Variants in XPA observed in about 807,000 individuals in gnomAD.
XPA encodes the protein XPA, DNA damage recognition and repair factor, also known as DNA repair protein complementing XP-A cells.
XPA carries 27 observed loss-of-function variants against 35.7 expected under a neutral mutation model. The ratio of observed to expected loss-of-function variants is 0.76; its 90% CI spans 0.56 to 1.04. The LOEUF (loss-of-function observed/expected upper bound fraction) is 1.04. XPA is among the 50% of genes least tolerant of loss of function. XPA has a pLI of 0.00. For synonymous variants in XPA, 133 were observed against 118.4 expected (o/e 1.12, Z -0.80); for missense variants, 354 against 342.7 (o/e 1.03, Z -0.26).
chr9:97,660,124 G>A, the XPA span, among the ~76,000 whole-genome samples: 1 of 152,186 alleles, frequency 6.6e-6, no homozygotes, highest in Non-Finnish European at 1.5e-5. Flanking sequence ...GTAGACTGGT[G>A]ACAGGGGATT....
the XPA span, among the ~76,000 whole-genome samples, chr9:97,665,136 T>C: frequency 1.3e-5 from 2 of 152,240 alleles, no homozygotes; most frequent in African/African-American, 2.4e-5. Flanking sequence ...ACTTTTCCAC[T>C]GTATCTGTTA....
chr9:97,657,357 T>G, the XPA span, among the ~76,000 whole-genome samples: 1 of 152,210 alleles, frequency 6.6e-6, no homozygotes, highest in African/African-American at 2.4e-5. Context: ...CTTTTTTCTA[T>G]CTTTGTGTTT....
intron 5 of XPA, among the ~76,000 whole-genome samples, chr9:97,677,140 A>G (rs182323934): frequency 2.0e-5 from 3 of 152,250 alleles, no homozygotes; most frequent in African/African-American, 4.8e-5. Context: ...ATGCTAAACT[A>G]ACTTCTCTGC....
Position 97,683,353 on chromosome 9 carries a change from G to GA in XPA, c.673+1569dup, listed in dbSNP as rs3176704. Among the ~76,000 whole-genome samples, 562 of 152,282 alleles carry GA rather than the reference G, an allele frequency of 3.7e-3. 3 individuals are homozygous for GA. Among genetic ancestry groups the GA allele is most frequent in the African/African-American group, 0.013 (548 of 41,562 alleles). ...AAAGATTAAAGGGCCAAATTCATCA[G>GA]AACTCTTTCCAAATCCTCTCAATAC... On this transcript the variant is annotated intron_variant, in intron 5 of 5. Coordinates refer to ENST00000375128, the MANE Select transcript of XPA (RefSeq NM_000380.4).
chr9:97,674,981 C>T lies in XPA; in HGVS notation c.*458G>A, dbSNP rs764586489. 7 of 524,380 alleles carry T rather than the reference C, an allele frequency of 1.3e-5. No individual in the cohort carries two copies. The Middle Eastern group carries it at 3.2e-3, about 238-fold the overall frequency. The allele number at this position is 524,380 out of a possible 1,614,324, so 32.5% of individuals were successfully genotyped here. On this transcript the variant is annotated 3_prime_UTR_variant, in exon 6 of 6. Coordinates refer to ENST00000375128, the MANE Select transcript of XPA (RefSeq NM_000380.4). The stretch of plus-strand genomic sequence containing the variant: ...CAGCAGTAGTTCCCCACTGTTTCCA[C>T]CATCGTGGAGACAGAAATCGTCCTA...
the XPA span, chr9:97,658,785 G>A: frequency 7.1e-7 from 1 of 1,406,988 alleles, no homozygotes; most frequent in Non-Finnish European, 1.0e-6. Context: ...AAAGGTACCA[G>A]TTCAAGTATA....
the XPA span, chr9:97,669,901 T>C: frequency 7.8e-6 from 5 of 636,998 alleles, no homozygotes; most frequent in African/African-American, 3.6e-5. Flanking sequence ...AGATTCCTAA[T>C]TGCCACCCCC....
intron 5 of XPA, chr9:97,675,819 CAAG>C: frequency 1.7e-6 from 1 of 577,006 alleles, no homozygotes; most frequent in South Asian, 2.0e-5. Flanking sequence ...CAGTGTGAAA[CAAG>C]AGATTCAGAA....
intron 5 of XPA, among the ~76,000 whole-genome samples, chr9:97,681,995 T>C (rs2131388692): frequency 6.6e-6 from 1 of 152,308 alleles, no homozygotes; most frequent in African/African-American, 2.4e-5. Context: ...TTCTGCCTTG[T>C]ATCTAACAAG....
chr9:97,682,369 C>CTCTACAGTGTCT (rs1323468260), intron 5 of XPA: 1 of 518,926 alleles, frequency 1.9e-6, no homozygotes, highest in Non-Finnish European at 3.8e-6. Flanking sequence ...TGTGTCTAAT[C>CTCTACAGTGTCT]TCTACAGTGT....
intron 1 of XPA, among the ~76,000 whole-genome samples, chr9:97,694,410 C>G (rs1448188433): frequency 6.6e-6 from 1 of 152,174 alleles, no homozygotes; most frequent in Non-Finnish European, 1.5e-5. Context: ...TAATAAAATC[C>G]TCTAAGTCAG....
chr9:97,675,165 A>G lies in XPA; in HGVS notation c.*274T>C, dbSNP rs1393413677. The G allele has an allele frequency of 3.4e-6, 2 of 586,634 alleles. No homozygotes were observed. Among genetic ancestry groups the G allele is most frequent in the Admixed American group, 2.1e-5 (1 of 46,546 alleles). The allele number at this position is 586,634 out of a possible 1,614,324, so 36.3% of individuals were successfully genotyped here. On this transcript the variant is annotated 3_prime_UTR_variant, in exon 6 of 6. Coordinates refer to ENST00000375128, the MANE Select transcript of XPA (RefSeq NM_000380.4). ...TTGTCCTCAAATTTGTAGCTGACCT[A>G]CCACTTCTGCACCTACTCTAGCACT... is the stretch of plus-strand genomic sequence containing the variant.
chr9:97,684,651 G>A lies in XPA; in HGVS notation c.673+272C>T, dbSNP rs184578824. Among the ~76,000 whole-genome samples the A allele has an allele frequency of 7.9e-5, 12 of 152,240 alleles. No individual in the cohort carries two copies. In the East Asian group the frequency reaches 1.3e-3, roughly 17 times the overall value. ...AATTGATGCCAAATCCTTGACCAGT[G>A]ATACCACTCCTGATCCTCACATTGT... On this transcript the variant is annotated intron_variant, in intron 5 of 5. Coordinates refer to ENST00000375128, the MANE Select transcript of XPA (RefSeq NM_000380.4).
chr9:97,688,352 A>G (rs1449234762), intron 3 of XPA, among the ~76,000 whole-genome samples: 1 of 152,106 alleles, frequency 6.6e-6, no homozygotes, highest in Non-Finnish European at 1.5e-5. Context: ...CACTAATCGC[A>G]TGTCCCTCTG....
chr9:97,696,869 TG>T (rs1189214800), intron 1 of XPA, among the ~76,000 whole-genome samples: 2 of 152,018 alleles, frequency 1.3e-5, no homozygotes, highest in Non-Finnish European at 2.9e-5. Context: ...GCAGCCGAGG[TG>T]CAGCGAAGAA....
At chr9:97,684,868 CT>C in intron 5 of XPA, 54 bp downstream of exon 5, 3 of 1,467,192 alleles carry the variant, frequency 2.0e-6, no homozygotes, top group Non-Finnish European at 2.9e-6. Context: ...TAGCTAAAGG[CT>C]TTTTGCAAAA....
At chr9:97,657,906 C>CTA in the XPA span, among the ~76,000 whole-genome samples, 79 of 127,490 alleles carry the variant, frequency 6.2e-4, no homozygotes, top group East Asian at 2.5e-3. Flanking sequence ...CTCTCTCTCT[C>CTA]TATATATATA....
intron 2 of XPA, among the ~76,000 whole-genome samples, chr9:97,692,098 G>C (rs1828910728): frequency 6.6e-6 from 1 of 151,568 alleles, no homozygotes; most frequent in Admixed American, 6.6e-5. Context: ...CTCAAGACCA[G>C]CTGACCAACA....
At chr9:97,665,337 A>G in the XPA span, among the ~76,000 whole-genome samples, 3 of 152,230 alleles carry the variant, frequency 2.0e-5, no homozygotes, top group East Asian at 1.9e-4. Flanking sequence ...TACGTTTTCA[A>G]TTCATTTTAT....
Sources: gnomAD v4.1 joint callset for allele counts (sites outside exome capture counted in the v4.1 genomes callset) on GRCh38, gnomAD v4.1.1 for gene constraint, MANE v1.5 for transcripts, NCBI Gene and HGNC (gene_info 2026-07-23, HGNC 2026-07-21) for gene names.